The following CD207 variants were observed in gnomAD, a reference collection of about 807,000 sequenced individuals.
The protein encoded by CD207 is C-type lectin domain family 4 member K.
Under a neutral mutation model 31.6 loss-of-function variants are expected in CD207, and 28 were observed. That is an observed-to-expected ratio of 0.89 (90% CI 0.66 to 1.21). The LOEUF (loss-of-function observed/expected upper bound fraction) is 1.21. Ranked by LOEUF, CD207 falls within the 50% of genes most tolerant of loss-of-function variation. CD207 has a pLI of 0.00. For synonymous variants in CD207, 168 were observed against 153.9 expected (o/e 1.09, Z -0.68); for missense variants, 388 against 397.8 (o/e 0.98, Z 0.21).
downstream of CD207, among the ~76,000 whole-genome samples, chr2:70,827,099 C>A (rs1188001453): frequency 6.6e-6 from 1 of 152,170 alleles, no homozygotes; most frequent in African/African-American, 2.4e-5. Flanking sequence ...CACTCCTTCT[C>A]TGCATTTTCT....
At chr2:70,828,467 A>G (rs6753437), downstream of CD207, among the ~76,000 whole-genome samples, 106,679 of 152,064 alleles carry the variant, frequency 0.7, 37,513 homozygotes, top group Middle Eastern at 0.76. Context: ...TTTCAGTTTC[A>G]AGAAAAAGCA....
chr2:70,829,089 C>T (rs1677410160), downstream of CD207, among the ~76,000 whole-genome samples: 1 of 152,198 alleles, frequency 6.6e-6, no homozygotes, highest in Admixed American at 6.5e-5. Context: ...CTTTTGTTAA[C>T]AGCCTCATCC....
chr2:70,834,726 G>C (rs1677565252), intron 2 of CD207, among the ~76,000 whole-genome samples: 1 of 152,160 alleles, frequency 6.6e-6, no homozygotes, highest in Non-Finnish European at 1.5e-5. Flanking sequence ...CTAGGATGGG[G>C]CAAGGGGGAC....
At chr2:70,829,877 A>G (rs1677425952), downstream of CD207, among the ~76,000 whole-genome samples, 1 of 152,134 alleles carries the variant, frequency 6.6e-6, no homozygotes, top group Non-Finnish European at 1.5e-5. Context: ...GGGATTTGGA[A>G]CTGATGCCTG....
At chr2:70,829,409 G>GT (rs1429417979), downstream of CD207, among the ~76,000 whole-genome samples, 1 of 152,262 alleles carries the variant, frequency 6.6e-6, no homozygotes, top group Non-Finnish European at 1.5e-5. Context: ...AGCCAGGGCT[G>GT]TGGGAGGCAG....
the CD207 span, among the ~76,000 whole-genome samples, chr2:70,824,840 G>A: frequency 1.3e-5 from 2 of 152,138 alleles, no homozygotes; most frequent in African/African-American, 4.8e-5. Context: ...AAATAGATAA[G>A]TCTCTAGGGC....
chr2:70,831,280 C>T, intron 5 of CD207, 80 bp from the exon 6 acceptor site: 1 of 1,409,124 alleles, frequency 7.1e-7, no homozygotes, highest in Non-Finnish European at 9.8e-7. Context: ...AATGAGTTAA[C>T]TCAACCCAAG....
chr2:70,829,044 C>A (rs1198638696), downstream of CD207, among the ~76,000 whole-genome samples: 4 of 152,336 alleles, frequency 2.6e-5, no homozygotes, highest in African/African-American at 7.2e-5. Context: ...CCCCTCCAGC[C>A]TTTCTCTTAA....
chr2:70,835,470 C>T lies in CD207; in HGVS notation c.190+21G>A, dbSNP rs76379751. 2.9e-5 allele frequency: 45 copies of T among 1,566,480 alleles called. No homozygotes were observed. In the East Asian group the frequency reaches 5.1e-4, roughly 18 times the overall value. The stretch of plus-strand genomic sequence containing the variant: ...GCCACAGAGAGGGGCTAAGCCCAGA[C>T]GATGAAACATGAGGACTTACAAAGG... On this transcript the variant is annotated intron_variant, in intron 2 of 5. Coordinates refer to ENST00000410009, the MANE Select transcript of CD207 (RefSeq NM_015717.5).
At chr2:70,831,855 C>T (rs1677483230) in intron 4 of CD207, 36 bp from the exon 5 acceptor site, 3 of 1,330,680 alleles carry the variant, frequency 2.3e-6, no homozygotes, top group Non-Finnish European at 3.3e-6. Context: ...GGTGCGGCCA[C>T]ACTTGGAGCT....
chr2:70,835,692 G>A lies in CD207; in HGVS notation c.73+12C>T, dbSNP rs569456111. 112 of 1,613,268 alleles carry A rather than the reference G, an allele frequency of 6.9e-5. No individual in the cohort carries two copies. The East Asian group carries it at 9.1e-4, about 13-fold the overall frequency. On this transcript the variant is annotated intron_variant, in intron 1 of 5. Transcript: ENST00000410009. ...GAACACGGAGCAGGTTCTCAGCAGC[G>A]ATGTGGCTTGCCTCGGGGCCAGAGG...
Position 70,835,496 on chromosome 2 carries a change from ACGG to A in CD207, c.182_184del (p.Ala61del). On this transcript the variant is annotated inframe_deletion, in exon 2 of 6. Coordinates refer to ENST00000410009, the MANE Select transcript of CD207 (RefSeq NM_015717.5). ...GATGAAACATGAGGACTTACAAAGG[ACGG>A]CCTGCAGCAGGACGGAGGCGACCAG... The A allele has an allele frequency of 6.2e-7, 1 of 1,610,534 alleles. No homozygotes were observed. Among genetic ancestry groups the A allele is most frequent in the Middle Eastern group, 1.8e-4 (1 of 5,618 alleles).
rs1406986155 is a variant in CD207, at chr2:70,830,965, A to G, written c.*85T>C. On this transcript the variant is annotated 3_prime_UTR_variant, in exon 6 of 6. Transcript: ENST00000410009. The stretch of plus-strand genomic sequence containing the variant: ...GCAAGAAAAATTAACGTGCAAAGTC[A>G]TCCTGGAGTCTGGGGAAGAAAGAGG... The G allele has an allele frequency of 2.3e-6, 3 of 1,307,592 alleles. No homozygotes were observed. The highest frequency in any genetic ancestry group is 2.9e-5 in the African/African-American group (2 of 67,882). The allele number at this position is 1,307,592 out of a possible 1,614,324, so 81.0% of individuals were successfully genotyped here. A position where few individuals can be genotyped will look rare whatever the true frequency, so the allele number is the denominator to read the frequency against.
At chr2:70,831,654 C>T (rs782284698) in intron 5 of CD207, 47 bp downstream of exon 5, 1 of 1,156,088 alleles carries the variant, frequency 8.6e-7, no homozygotes, top group South Asian at 1.2e-5. Flanking sequence ...ATGCCCTGGC[C>T]ATGGCCGGGG....
At chr2:70,834,552 A>G (rs1343710553) in intron 2 of CD207, among the ~76,000 whole-genome samples, 1 of 152,176 alleles carries the variant, frequency 6.6e-6, no homozygotes, top group Non-Finnish European at 1.5e-5. Flanking sequence ...TTCTCCAGAG[A>G]ACATGGAAGA....
At position 70,835,282 on chromosome 2, in the gene CD207, A is replaced by G. The variant is rs79216493; in HGVS notation, c.190+209T>C. 8.0e-3 allele frequency among the ~76,000 whole-genome samples: 1,218 copies of G among 152,300 alleles called. 15 individuals are homozygous for G. The highest frequency in any genetic ancestry group is 0.028 in the African/African-American group (1,148 of 41,564). ...CAATGTGCAAATGCTAATCCCAATAATCTCCCAGAAATTGGGAGGGAAAGA... is the reference window on the plus strand; with the variant it reads ...CAATGTGCAAATGCTAATCCCAATAGTCTCCCAGAAATTGGGAGGGAAAGA... On this transcript the variant is annotated intron_variant, in intron 2 of 5. Coordinates refer to ENST00000410009, the MANE Select transcript of CD207 (RefSeq NM_015717.5).
chr2:70,832,868 C>A, intron 4 of CD207, 32 bp downstream of exon 4: 1 of 1,591,584 alleles, frequency 6.3e-7, no homozygotes, highest in Non-Finnish European at 8.6e-7. Context: ...CTCATACGCC[C>A]CCTTCACAGA....
chr2:70,826,022 C>T (rs2104693550), downstream of CD207, among the ~76,000 whole-genome samples: 1 of 152,022 alleles, frequency 6.6e-6, no homozygotes, highest in African/African-American at 2.4e-5. Flanking sequence ...GTGGTGCACA[C>T]CTGAGGTTCC....
downstream of CD207, among the ~76,000 whole-genome samples, chr2:70,826,510 G>T (rs7587812): frequency 1.6e-4 from 24 of 151,944 alleles, 1 homozygote; most frequent in Admixed American, 1.4e-3. Flanking sequence ...CCAAGAGCTA[G>T]GATTACAAGT....
Sources: gnomAD v4.1 joint callset for allele counts (sites outside exome capture counted in the v4.1 genomes callset) on GRCh38, gnomAD v4.1.1 for gene constraint, MANE v1.5 for transcripts, NCBI Gene and HGNC (gene_info 2026-07-23, HGNC 2026-07-21) for gene names.